Variants in ADGRF3 observed in about 807,000 individuals in gnomAD.
The protein encoded by ADGRF3 is G protein-coupled receptor 113.
A neutral mutation model predicts 93.2 loss-of-function variants in ADGRF3; 85 were observed. The observed-to-expected ratio is 0.91, with a 90% CI of 0.77 to 1.09. The LOEUF (loss-of-function observed/expected upper bound fraction) is 1.09. Among genes scored for constraint, ADGRF3 ranks in the 50% least tolerant of loss-of-function variants. ADGRF3 has a pLI of 0.00. For missense variants in ADGRF3, 1,125 were observed against 1,246.2 expected (o/e 0.90, Z 1.46); for synonymous variants, 534 against 532.5 (o/e 1.00, Z -0.04).
At chr2:26,318,988 G>A in intron 1 of ADGRF3, 1 of 1,551,746 alleles carries the variant, frequency 6.4e-7, no homozygotes, top group African/African-American at 1.4e-5. Context: ...TTGGGCAACT[G>A]GTGACCCCAG....
At chr2:26,312,157 C>A in intron 9 of ADGRF3, 83 bp from the exon 10 acceptor site, 2 of 1,339,882 alleles carry the variant, frequency 1.5e-6, no homozygotes, top group Non-Finnish European at 2.0e-6. Flanking sequence ...ACAGACCCCA[C>A]ACCTTCCCTT....
In ADGRF3 at chr2:26,317,400, G is replaced by A. The variant is rs1237165414; in HGVS notation, c.181+96C>T. The A allele has an allele frequency of 4.6e-5, 55 of 1,195,064 alleles. No homozygotes were observed. In the South Asian group the frequency reaches 5.1e-4, roughly 11 times the overall value. The allele number at this position is 1,195,064 out of a possible 1,614,324, so 74.0% of individuals were successfully genotyped here. On this transcript the variant is annotated intron_variant, in intron 2 of 13. Transcript: ENST00000651242. ...CCTCTCTCTCCGCCACCACTCCCTCGCTGCACCTGCCCTCTCTTTTCTGGG... is the reference window on the plus strand; with the variant it reads ...CCTCTCTCTCCGCCACCACTCCCTCACTGCACCTGCCCTCTCTTTTCTGGG...
At position 26,308,677 on chromosome 2, in the gene ADGRF3, TAACTATTGAAAAAGA is replaced by T. The variant is rs1290192768; in HGVS notation, c.*394_*408del. On this transcript the variant is annotated 3_prime_UTR_variant, in exon 14 of 14. Coordinates refer to ENST00000651242, the MANE Select transcript of ADGRF3 (RefSeq NM_001321971.2). ...TGTCAAGTAAGTCATCCTTTCTTCATAACTATTGAAAAAGAAATAATCAGAAATCGCTGAATAGGT... is the reference window on the plus strand; with the variant it reads ...TGTCAAGTAAGTCATCCTTTCTTCATAATAATCAGAAATCGCTGAATAGGT... The T allele has an allele frequency of 1.2e-5, 2 of 163,326 alleles. No homozygotes were observed. The highest frequency in any genetic ancestry group is 4.8e-5 in the African/African-American group (2 of 41,878). 10.1% of individuals were successfully genotyped at this position (163,326 alleles called of 1,614,324 possible). A position where few individuals can be genotyped will look rare whatever the true frequency, so the allele number is the denominator to read the frequency against.
chr2:26,325,802 T>C (rs1675403044), intron 1 of ADGRF3, among the ~76,000 whole-genome samples: 1 of 152,206 alleles, frequency 6.6e-6, no homozygotes, highest in South Asian at 2.1e-4. Context: ...AAGTATCTGT[T>C]AGGTACCATT....
chr2:26,317,659 A>G, intron 1 of ADGRF3, 97 bp from the exon 2 acceptor site: 1 of 1,120,516 alleles, frequency 8.9e-7, no homozygotes, highest in Non-Finnish European at 1.3e-6. Flanking sequence ...AGTCTCAACC[A>G]GCTCTTCTTT....
chr2:26,318,210 C>A, intron 1 of ADGRF3: 1 of 840,224 alleles, frequency 1.2e-6, no homozygotes, highest in East Asian at 2.7e-5. Context: ...CTCACTGTGT[C>A]ACAGACCTGA....
intron 1 of ADGRF3, among the ~76,000 whole-genome samples, chr2:26,327,647 C>G (rs887077038): frequency 1.8e-4 from 25 of 141,300 alleles, no homozygotes; most frequent in Non-Finnish European, 3.2e-4. Flanking sequence ...CCTTCCTGCT[C>G]TGTCATCCCA....
At chr2:26,325,893 T>A (rs1160556636) in intron 1 of ADGRF3, among the ~76,000 whole-genome samples, 1 of 152,056 alleles carries the variant, frequency 6.6e-6, no homozygotes, top group Non-Finnish European at 1.5e-5. Context: ...TGAGACAAAA[T>A]CCTGAAATCA....
chr2:26,328,385 T>C (rs2147907223), intron 1 of ADGRF3, among the ~76,000 whole-genome samples: 1 of 152,300 alleles, frequency 6.6e-6, no homozygotes, highest in East Asian at 1.9e-4. Flanking sequence ...TATTTCAAAT[T>C]GTTTTTCTGC....
At chr2:26,325,543 A>G (rs1472583547) in intron 1 of ADGRF3, among the ~76,000 whole-genome samples, 5 of 152,210 alleles carry the variant, frequency 3.3e-5, no homozygotes, top group African/African-American at 1.2e-4. Context: ...AAAGCTATGT[A>G]CCTCAAGAGC....
Position 26,311,877 on chromosome 2 carries a change from G to C in ADGRF3, c.1647C>G (p.Pro549=), listed in dbSNP as rs1202871884. ...NVLLQSQLFG[P]TFPADYSISF... is the part of the protein sequence containing the mutation. ...AGATGCTGTAGTCAGCAGGAAACGT[G>C]GGTCCAAACAGCTGGCTCTGCAGCA... Residue 549 remains proline (P), a synonymous_variant, in exon 10 of 14, where the codon CCC becomes CCG. Transcript: ENST00000651242. 1 of 1,613,912 alleles carries C rather than the reference G, an allele frequency of 6.2e-7. No homozygotes were observed.
At chr2:26,313,240 C>T in intron 8 of ADGRF3, 118 bp from the exon 9 acceptor site, 1 of 1,451,556 alleles carries the variant, frequency 6.9e-7, no homozygotes, top group Non-Finnish European at 9.5e-7. Flanking sequence ...TACTTCCTGG[C>T]TCTGCTAGGG....
intron 1 of ADGRF3, among the ~76,000 whole-genome samples, chr2:26,323,772 G>T (rs934216838): frequency 6.6e-6 from 1 of 151,916 alleles, no homozygotes; most frequent in Non-Finnish European, 1.5e-5. Context: ...TGGGATTACA[G>T]GTGCCCACCA....
Position 26,313,858 on chromosome 2 carries a change from A to G in ADGRF3, c.974T>C (p.Val325Ala), listed in dbSNP as rs1358860724. The change falls in exon 7 of 14, where the codon GTT becomes GCT. Residue 325 changes from valine (V) to alanine (A), a missense_variant. Coordinates refer to ENST00000651242, the MANE Select transcript of ADGRF3 (RefSeq NM_001321971.2). ...GGTGTCAGCCATCGGGCAGCGCTGA[A>G]CAGCCAGCACAAAGCACTGAGAGCC... The part of the protein sequence containing the change: ...ESGSQCFVLA[V>A]QRCPMADTTY... 6.2e-7 allele frequency: 1 copy of G among 1,614,036 alleles called. No individual in the cohort carries two copies. The highest frequency in any genetic ancestry group is 8.5e-7 in the Non-Finnish European group (1 of 1,179,896).
At position 26,312,976 on chromosome 2, in the gene ADGRF3, C is replaced by G; in HGVS notation, c.1416G>C (p.Glu472Asp). Residue 472 changes from glutamate (E) to aspartate (D), a missense_variant, in exon 9 of 14, where the codon GAG becomes GAC. By Grantham distance (45) the Glu-to-Asp change is conservative. Transcript: ENST00000651242. Reference sequence around the variant, plus strand: ...CTCTGCGGTCAAGCTGTATTCTGGCCTCTGCCACCACCTTGGCCACGTATT... The same window carrying G: ...CTCTGCGGTCAAGCTGTATTCTGGCGTCTGCCACCACCTTGGCCACGTATT... ...TMKYVAKVVA[E>D]ARIQLDRRAL... 1 of 1,613,588 alleles carries G rather than the reference C, an allele frequency of 6.2e-7. No homozygotes were observed. Among genetic ancestry groups the G allele is most frequent in the Non-Finnish European group, 8.5e-7 (1 of 1,179,732 alleles).
chr2:26,322,151 G>A (rs1187126516), intron 1 of ADGRF3, among the ~76,000 whole-genome samples: 1 of 150,742 alleles, frequency 6.6e-6, no homozygotes, highest in Non-Finnish European at 1.5e-5. Flanking sequence ...GTGTGGTGGT[G>A]CGTGCCTGTA....
At chr2:26,315,058 A>G (rs573529229) in intron 5 of ADGRF3, among the ~76,000 whole-genome samples, 1 of 152,358 alleles carries the variant, frequency 6.6e-6, no homozygotes, top group South Asian at 2.1e-4. Context: ...TAGACAAGTG[A>G]CTTTGTTTTA....
At chr2:26,309,192 T>C (rs1366624463) in intron 13 of ADGRF3, 85 bp from the exon 14 acceptor site, 3 of 1,613,736 alleles carry the variant, frequency 1.9e-6, no homozygotes, top group Non-Finnish European at 2.5e-6. Context: ...AGCCCACCCA[T>C]GGCAATCCCT....
intron 1 of ADGRF3, among the ~76,000 whole-genome samples, chr2:26,319,915 G>T (rs955537381): frequency 3.3e-5 from 5 of 151,960 alleles, no homozygotes; most frequent in Non-Finnish European, 5.9e-5. Context: ...ATGTAAAAAA[G>T]AATCTGAGAG....
Sources: allele counts gnomAD v4.1 joint callset (sites outside exome capture counted in the v4.1 genomes callset), GRCh38; gene constraint gnomAD v4.1.1; transcripts MANE v1.5; gene names NCBI Gene and HGNC (gene_info 2026-07-23, HGNC 2026-07-21).